Variants in CADPS observed in about 807,000 individuals in gnomAD.
The protein encoded by CADPS is calcium-dependent secretion activator 1.
CADPS carries 57 observed loss-of-function variants against 167.3 expected under a neutral mutation model. The observed-to-expected ratio is 0.34, with a 90% CI of 0.28 to 0.42. The LOEUF (loss-of-function observed/expected upper bound fraction) is 0.42. Ranked by LOEUF, CADPS falls within the 20% of genes least tolerant of loss-of-function variation. The probability of loss-of-function intolerance (pLI) is 1.00; values close to 1 mark genes in which losing one functional copy is unlikely to be tolerated. For missense variants in CADPS, 1,414 were observed against 1,738.1 expected, an observed-to-expected ratio of 0.81 and a Z score of 3.32; for synonymous variants, 676 against 635.3, an observed-to-expected ratio of 1.06 and a Z score of -0.96.
intron 1 of CADPS, among the ~76,000 whole-genome samples, chr3:62,872,404 T>G (rs1037152987): frequency 2.6e-5 from 4 of 151,946 alleles, no homozygotes; most frequent in African/African-American, 7.2e-5. Context: ...AATAAGGAGA[T>G]ATATATATAT....
chr3:62,662,957 C>CCCTGATAAAGAGAACTATTTGGAT, intron 3 of CADPS, among the ~76,000 whole-genome samples: 1 of 152,016 alleles, frequency 6.6e-6, no homozygotes, highest in African/African-American at 2.4e-5. Context: ...TCCCTGTCTT[C>CCCTGATAAAGAGAACTATTTGGAT]CCTGATAAAG....
At chr3:62,640,377 A>G (rs964367143) in intron 6 of CADPS, among the ~76,000 whole-genome samples, 5 of 152,012 alleles carry the variant, frequency 3.3e-5, no homozygotes, top group Admixed American at 6.6e-5. Context: ...ATTTAATAGA[A>G]CTCCATTTCT....
chr3:62,727,301 T>C (rs1039416190), intron 3 of CADPS, among the ~76,000 whole-genome samples: 2 of 151,794 alleles, frequency 1.3e-5, no homozygotes, highest in Non-Finnish European at 2.9e-5. Context: ...ACAATATAAA[T>C]AAAGCTCATA....
intron 1 of CADPS, among the ~76,000 whole-genome samples, chr3:62,772,426 G>T (rs952099295): frequency 1.2e-4 from 18 of 152,150 alleles, no homozygotes; most frequent in African/African-American, 4.3e-4. Flanking sequence ...ATACTTGGTG[G>T]TATAATCCTT....
intron 1 of CADPS, among the ~76,000 whole-genome samples, chr3:62,806,795 G>A (rs890292456): frequency 3.9e-5 from 6 of 152,118 alleles, no homozygotes; most frequent in African/African-American, 1.4e-4. Context: ...GAACAAGCAA[G>A]TATTTTTGAA....
rs545898380 is a variant in CADPS, at chr3:62,557,605, C to G, written c.1645-92G>C. On this transcript the variant is annotated intron_variant, in intron 9 of 29. Transcript: ENST00000383710. ...ATGTTCTCTCCTCTGAGGATCTGGACTGAGTGGCTGGGTTCAAACTGAGTT... is the reference window on the plus strand; with the variant it reads ...ATGTTCTCTCCTCTGAGGATCTGGAGTGAGTGGCTGGGTTCAAACTGAGTT... 358 of 977,850 alleles carry G rather than the reference C, an allele frequency of 3.7e-4. 1 individual carries two copies. The highest frequency in any genetic ancestry group is 3.1e-4 in the Non-Finnish European group (189 of 608,930). 60.6% of individuals were successfully genotyped at this position (977,850 alleles called of 1,614,324 possible).
At chr3:62,845,035 G>A (rs1559890039) in intron 1 of CADPS, among the ~76,000 whole-genome samples, 1 of 152,184 alleles carries the variant, frequency 6.6e-6, no homozygotes, top group Non-Finnish European at 1.5e-5. Flanking sequence ...CGTCATCACA[G>A]GGTGGTACTT....
In CADPS at chr3:62,578,559, G is replaced by A. The variant is rs1245559388; in HGVS notation, c.1577+6626C>T. On this transcript the variant is annotated intron_variant, in intron 8 of 29. Transcript: ENST00000383710. ...CGGGAGGCGGAGCTTGCAGTGAGCC[G>A]AGATCATGCCACTGCACTCCAGCCT... is the stretch of plus-strand genomic sequence containing the variant. Among the ~76,000 whole-genome samples, 11 of 138,406 alleles carry A rather than the reference G, an allele frequency of 7.9e-5. No individual in the cohort carries two copies. In the Admixed American group the frequency reaches 8.2e-4, roughly 10 times the overall value. The allele number at this position is 138,406 out of a possible 152,430, so 90.8% of individuals were successfully genotyped here.
intron 3 of CADPS, among the ~76,000 whole-genome samples, chr3:62,680,271 T>G (rs1003972737): frequency 6.6e-6 from 1 of 152,024 alleles, no homozygotes; most frequent in Non-Finnish European, 1.5e-5. Flanking sequence ...CCTAATTTCC[T>G]TTTCTGAAAA....
In CADPS at chr3:62,640,579, A is replaced by G. The variant is rs545788944; in HGVS notation, c.1325+5143T>C. ...CCCAGTTAGGGCATTTTATTTTCTC[A>G]TTCCCTTGGAAAATACCAATTTTCC... is the stretch of plus-strand genomic sequence containing the variant. On this transcript the variant is annotated intron_variant, in intron 6 of 29. Transcript: ENST00000383710. Among the ~76,000 whole-genome samples, 4 of 152,262 alleles carry G rather than the reference A, an allele frequency of 2.6e-5. No homozygotes were observed. In the South Asian group the frequency reaches 6.2e-4, roughly 24 times the overall value.
intron 6 of CADPS, among the ~76,000 whole-genome samples, chr3:62,613,382 A>G (rs1342400159): frequency 6.6e-6 from 1 of 152,198 alleles, no homozygotes; most frequent in African/African-American, 2.4e-5. Context: ...AGCAGGCAAT[A>G]CAGGTGTTTA....
intron 18 of CADPS, among the ~76,000 whole-genome samples, chr3:62,494,103 AG>A (rs1207054867): frequency 6.6e-6 from 1 of 152,200 alleles, no homozygotes; most frequent in Non-Finnish European, 1.5e-5. Context: ...TTCCTGAGAA[AG>A]TTGAGATCAA....
chr3:62,802,775 T>C (rs562645156), intron 1 of CADPS, among the ~76,000 whole-genome samples: 1 of 152,192 alleles, frequency 6.6e-6, no homozygotes, highest in African/African-American at 2.4e-5. Context: ...CTGAAGTTAG[T>C]TCATTATGGT....
chr3:62,833,936 T>C (rs1048362192), intron 1 of CADPS, among the ~76,000 whole-genome samples: 4 of 152,198 alleles, frequency 2.6e-5, no homozygotes, highest in African/African-American at 7.2e-5. Context: ...TACACATACA[T>C]GTGCATTTAT....
chr3:62,644,200 C>T (rs576402268), intron 6 of CADPS, among the ~76,000 whole-genome samples: 215 of 152,298 alleles, frequency 1.4e-3, no homozygotes, highest in African/African-American at 4.6e-3. Context: ...CCAAACAGCT[C>T]ATAATGCTCT....
In CADPS at chr3:62,544,177, G is replaced by C; in HGVS notation, c.1966+5726C>G. The stretch of plus-strand genomic sequence containing the variant: ...CTGTTTTTGTGTGTGCTAGTTCCAT[G>C]TATTGTAGCTCTCCTTTCAAAATTA... On this transcript the variant is annotated intron_variant, in intron 11 of 29. Transcript: ENST00000383710. This position sits in a 1 kb window ranked among gnomAD's most constrained non-coding sequence, Gnocchi z 4.4. 6.6e-6 allele frequency among the ~76,000 whole-genome samples: 1 copy of C among 152,022 alleles called. No homozygotes were observed. The highest frequency in any genetic ancestry group is 2.1e-4 in the South Asian group (1 of 4,822).
intron 26 of CADPS, among the ~76,000 whole-genome samples, chr3:62,447,660 G>A (rs1456929343): frequency 6.6e-6 from 1 of 152,162 alleles, no homozygotes; most frequent in African/African-American, 2.4e-5. Context: ...GCATCAAGGA[G>A]CCACGTCACT....
intron 4 of CADPS, among the ~76,000 whole-genome samples, chr3:62,660,644 T>C (rs1292269090): frequency 2.6e-5 from 4 of 152,150 alleles, no homozygotes. Context: ...CCTCTTTCCA[T>C]AAAGTGAAAA....
intron 3 of CADPS, among the ~76,000 whole-genome samples, chr3:62,664,272 C>A (rs1476155551): frequency 6.6e-6 from 1 of 152,234 alleles, no homozygotes; most frequent in East Asian, 1.9e-4. Flanking sequence ...TCCCAAAGTA[C>A]TAGGATTACA....
Sources: allele counts gnomAD v4.1 joint callset (sites outside exome capture counted in the v4.1 genomes callset), GRCh38; gene constraint gnomAD v4.1.1; non-coding constraint Gnocchi (gnomAD v3.1); transcripts MANE v1.5; gene names NCBI Gene and HGNC (gene_info 2026-07-23, HGNC 2026-07-21).